CAMK2G: variants seen among roughly 807,000 people sequenced by gnomAD.
The protein encoded by CAMK2G is calcium/calmodulin dependent protein kinase II gamma, also known as calcium/calmodulin-dependent protein kinase type II subunit gamma.
A neutral mutation model predicts 88.7 loss-of-function variants in CAMK2G; 23 were observed. The observed-to-expected ratio is 0.26, with a 90% confidence interval of 0.19 to 0.37. The LOEUF (loss-of-function observed/expected upper bound fraction) is 0.37. Among genes scored for constraint, CAMK2G ranks in the 10% least tolerant of loss-of-function variants. CAMK2G has a pLI of 1.00. For missense variants in CAMK2G, 476 were observed against 780.8 expected (o/e 0.61, Z 4.65); for synonymous variants, 263 against 294.8 (o/e 0.89, Z 1.11).
chr10:73,867,776 A>G (rs1431033853), intron 2 of CAMK2G, among the ~76,000 whole-genome samples: 3 of 152,168 alleles, frequency 2.0e-5, no homozygotes, highest in Non-Finnish European at 2.9e-5. Context: ...GTGATATGCC[A>G]AGATTCATCA....
intron 2 of CAMK2G, among the ~76,000 whole-genome samples, chr10:73,866,159 C>T (rs2095583408): frequency 6.6e-6 from 1 of 152,194 alleles, no homozygotes; most frequent in Non-Finnish European, 1.5e-5. Context: ...AACCCAACCT[C>T]TCCCGCCTTC....
intron 14 of CAMK2G, among the ~76,000 whole-genome samples, chr10:73,836,253 C>A (rs1365898031): frequency 1.3e-5 from 2 of 152,204 alleles, no homozygotes; most frequent in African/African-American, 4.8e-5. Flanking sequence ...ACTAAACCAT[C>A]TCGCGTGGGT....
intron 2 of CAMK2G, among the ~76,000 whole-genome samples, chr10:73,864,305 A>G (rs1209707790): frequency 6.6e-6 from 1 of 152,190 alleles, no homozygotes; most frequent in African/African-American, 2.4e-5. Context: ...AAAAAAAAAA[A>G]AGAAATATTT....
At position 73,852,280 on chromosome 10, in the gene CAMK2G, T is replaced by C; in HGVS notation, c.315A>G (p.Arg105=). The change falls in exon 5 of 23, where the codon AGA becomes AGG. Residue 105 remains arginine, a synonymous_variant. Transcript: ENST00000423381. ...TGGCATCTGCTTCACTGTAGTACTC[T>C]CTGGCCACAATGTCTTCAAACAGCT... ...GGELFEDIVA[R]EYYSEADASH... is the part of the protein sequence containing the mutation. The C allele has an allele frequency of 1.2e-6, 2 of 1,614,034 alleles. No homozygotes were observed. Among genetic ancestry groups the C allele is most frequent in the Non-Finnish European group, 8.5e-7 (1 of 1,179,930 alleles).
chr10:73,816,931 A>C (rs773246099), intron 21 of CAMK2G, 92 bp downstream of exon 21: 38 of 1,612,544 alleles, frequency 2.4e-5, no homozygotes, highest in Non-Finnish European at 3.1e-5. Context: ...ATAAGGGAAA[A>C]GTGGGCAACT....
intron 14 of CAMK2G, among the ~76,000 whole-genome samples, chr10:73,829,305 T>TA (rs1555013560): frequency 6.6e-6 from 1 of 151,198 alleles, no homozygotes; most frequent in Non-Finnish European, 1.5e-5. Flanking sequence ...TTTATTTATT[T>TA]ATTTATTTTT....
intron 2 of CAMK2G, among the ~76,000 whole-genome samples, chr10:73,865,057 T>G (rs895197830): frequency 1.3e-5 from 2 of 152,198 alleles, no homozygotes; most frequent in African/African-American, 4.8e-5. Context: ...AAGGGCCCAG[T>G]GAGAAGCTTG....
intron 14 of CAMK2G, among the ~76,000 whole-genome samples, chr10:73,834,165 G>A (rs191671014): frequency 1.4e-3 from 212 of 151,328 alleles, no homozygotes; most frequent in Non-Finnish European, 2.3e-3. Context: ...TGATCCACCC[G>A]CCTCGGCCTC....
At chr10:73,816,197 A>C in intron 21 of CAMK2G, 1 of 985,440 alleles carries the variant, frequency 1.0e-6, no homozygotes, top group Non-Finnish European at 1.2e-6. Context: ...TTATCCCCTT[A>C]TTTTCCATGA....
At chr10:73,860,941 G>T in intron 2 of CAMK2G, 52 bp from the exon 3 acceptor site, 1 of 1,302,842 alleles carries the variant, frequency 7.7e-7, no homozygotes, top group South Asian at 1.2e-5. Context: ...TTCTCCTTGT[G>T]GTCACCTTGT....
rs533711174 is a variant in CAMK2G at position 73,830,490 on chromosome 10, T to C, written c.1054-2369A>G. On this transcript the variant is annotated intron_variant, in intron 14 of 22. Transcript: ENST00000423381. ...ATCTCACTTTTACTTAAAAACTGTA[T>C]ATTTATTTTAAATTTTAAGCTGGAA... 7.2e-5 allele frequency among the ~76,000 whole-genome samples: 11 copies of C among 152,386 alleles called. No homozygotes were observed. In the South Asian group the frequency reaches 1.7e-3, roughly 23 times the overall value.
chr10:73,823,639 T>C (rs1156418962), intron 17 of CAMK2G, among the ~76,000 whole-genome samples: 4 of 152,204 alleles, frequency 2.6e-5, no homozygotes, highest in Non-Finnish European at 4.4e-5. Context: ...TTAACAGATG[T>C]TCAGGAATGC....
chr10:73,871,196 T>G (rs1471220701), intron 2 of CAMK2G, among the ~76,000 whole-genome samples: 1 of 149,768 alleles, frequency 6.7e-6, no homozygotes, highest in Non-Finnish European at 1.5e-5. Flanking sequence ...AGAAATCAAG[T>G]CTCATCCAGT....
intron 3 of CAMK2G, among the ~76,000 whole-genome samples, chr10:73,853,959 C>T (rs552341270): frequency 1.2e-4 from 19 of 152,250 alleles, no homozygotes; most frequent in Non-Finnish European, 2.2e-4. Flanking sequence ...TTATTCCTTT[C>T]GACCACCTGA....
At chr10:73,835,899 A>C (rs2093151320) in intron 14 of CAMK2G, among the ~76,000 whole-genome samples, 2 of 152,104 alleles carry the variant, frequency 1.3e-5, no homozygotes, top group Admixed American at 6.5e-5. Context: ...CAATGGCGCA[A>C]TCTTGGCTCA....
At chr10:73,853,047 A>C in intron 4 of CAMK2G, 145 bp downstream of exon 4, 1 of 728,572 alleles carries the variant, frequency 1.4e-6, no homozygotes, top group South Asian at 1.8e-5. Context: ...TGGGGGCAGC[A>C]ATCTGCCCCA....
intron 21 of CAMK2G, chr10:73,816,573 G>A (rs2085584188): frequency 6.3e-6 from 4 of 637,194 alleles, no homozygotes; most frequent in Non-Finnish European, 4.6e-6. Flanking sequence ...TCATTCTCCT[G>A]CCTCAGCCAC....
At chr10:73,854,830 C>G (rs572082061) in intron 3 of CAMK2G, among the ~76,000 whole-genome samples, 1 of 152,292 alleles carries the variant, frequency 6.6e-6, no homozygotes, top group East Asian at 1.9e-4. Context: ...GACTCCGAAG[C>G]CTGCCAGGGC....
chr10:73,838,466 G>A (rs2093460489), intron 13 of CAMK2G, among the ~76,000 whole-genome samples: 1 of 152,220 alleles, frequency 6.6e-6, no homozygotes, highest in Non-Finnish European at 1.5e-5. Flanking sequence ...ACAGTGGTGG[G>A]AATCCAGTGG....
Sources: allele counts gnomAD v4.1 joint callset (sites outside exome capture counted in the v4.1 genomes callset), GRCh38; gene constraint gnomAD v4.1.1; transcripts MANE v1.5; gene names NCBI Gene and HGNC (gene_info 2026-07-23, HGNC 2026-07-21).